PILRA: variants seen among roughly 807,000 people sequenced by gnomAD.
PILRA encodes the protein paired immunoglobulin-like type 2 receptor alpha.
PILRA carries 37 observed loss-of-function variants against 33.1 expected under a neutral mutation model. That is an observed-to-expected ratio of 1.12 (90% confidence interval 0.86 to 1.47). The LOEUF is 1.47. Ranked by LOEUF, PILRA falls within the 40% of genes most tolerant of loss-of-function variation. The pLI is 0.00. For synonymous variants in PILRA, 146 were observed against 149.9 expected, an observed-to-expected ratio of 0.97 and a Z score of 0.19; for missense variants, 312 against 376.2, an observed-to-expected ratio of 0.83 and a Z score of 1.41.
chr7:100,376,629 C>T (rs1258029119), intron 2 of PILRA, among the ~76,000 whole-genome samples: 3 of 151,460 alleles, frequency 2.0e-5, no homozygotes, highest in African/African-American at 7.3e-5. Context: ...TACAGGCACC[C>T]ACCATCATGC....
chr7:100,382,651 G>A lies in PILRA; in HGVS notation c.455-7237G>A, dbSNP rs778393492. 6.6e-4 allele frequency among the ~76,000 whole-genome samples: 100 copies of A among 152,206 alleles called. 1 individual carries two copies. The highest frequency in any genetic ancestry group is 8.8e-5 in the Non-Finnish European group (6 of 68,040). ...GTGCCAGGTAAGGGAATAAAAGCAG[G>A]CTGCCCCCCTGAGCAGTATCAACTG... On this transcript the variant is annotated intron_variant, in intron 2 of 6. Transcript: ENST00000198536.
intron 3 of PILRA, among the ~76,000 whole-genome samples, chr7:100,396,560 G>A (rs556872705): frequency 6.6e-6 from 1 of 152,240 alleles, no homozygotes; most frequent in African/African-American, 2.4e-5. Context: ...CTTGAGGCAG[G>A]AGAATCGCTT....
At chr7:100,376,761 CTTTTTTT>C (rs34944697) in intron 2 of PILRA, among the ~76,000 whole-genome samples, 59 of 75,036 alleles carry the variant, frequency 7.9e-4, no homozygotes, top group African/African-American at 2.5e-3. Context: ...CTTGCTCTGC[CTTTTTTT>C]TTTTTTTTTT....
intron 3 of PILRA, among the ~76,000 whole-genome samples, chr7:100,393,312 T>TA (rs1791426038): frequency 6.6e-6 from 1 of 151,866 alleles, no homozygotes; most frequent in Admixed American, 6.6e-5. Context: ...ATCAACCACT[T>TA]ATGATTTTTT....
At chr7:100,386,981 A>G (rs1222891595) in intron 2 of PILRA, among the ~76,000 whole-genome samples, 1 of 152,212 alleles carries the variant, frequency 6.6e-6, no homozygotes, top group Admixed American at 6.5e-5. Flanking sequence ...AAATTTTTAC[A>G]AGAATTTCTT....
chr7:100,386,756 T>C (rs972376050), intron 2 of PILRA, among the ~76,000 whole-genome samples: 41 of 151,374 alleles, frequency 2.7e-4, no homozygotes, highest in African/African-American at 9.2e-4. Flanking sequence ...TCAAAACTCC[T>C]GGGCTCAAGT....
intron 2 of PILRA, among the ~76,000 whole-genome samples, chr7:100,383,064 CAG>C (rs1791154343): frequency 6.6e-6 from 1 of 152,078 alleles, no homozygotes; most frequent in Non-Finnish European, 1.5e-5. Context: ...GTGAGTGGGA[CAG>C]AGATTGCTAA....
chr7:100,376,843 T>C (rs1034086635), intron 2 of PILRA, among the ~76,000 whole-genome samples: 3 of 147,352 alleles, frequency 2.0e-5, no homozygotes, highest in African/African-American at 7.5e-5. Context: ...CTTACTGCAG[T>C]GTCGACCTCC....
intron 3 of PILRA, among the ~76,000 whole-genome samples, chr7:100,395,790 G>A (rs998433798): frequency 2.0e-5 from 3 of 152,060 alleles, no homozygotes; most frequent in Non-Finnish European, 4.4e-5. Flanking sequence ...CTATAAAATA[G>A]TGCAAATGAT....
chr7:100,374,996 C>G (rs1049571669), intron 2 of PILRA, among the ~76,000 whole-genome samples: 1 of 152,174 alleles, frequency 6.6e-6, no homozygotes, highest in African/African-American at 2.4e-5. Flanking sequence ...TCCTTCTCCC[C>G]CTCTGCTTCC....
chr7:100,379,541 G>T (rs1584214475), intron 2 of PILRA, among the ~76,000 whole-genome samples: 2 of 151,330 alleles, frequency 1.3e-5, no homozygotes, highest in African/African-American at 4.9e-5. Flanking sequence ...GGTAGCACGC[G>T]CCTGTAGTCC....
chr7:100,376,638 G>C (rs1316633986), intron 2 of PILRA, among the ~76,000 whole-genome samples: 1 of 150,600 alleles, frequency 6.6e-6, no homozygotes. Flanking sequence ...CCACCATCAT[G>C]CCAGGCTAAC....
intron 2 of PILRA, among the ~76,000 whole-genome samples, chr7:100,383,166 G>A (rs1007155782): frequency 1.3e-5 from 2 of 152,146 alleles, no homozygotes; most frequent in East Asian, 1.9e-4. Context: ...CTTAGAGTGA[G>A]GCACACTTGG....
rs1791530541 is a variant in PILRA, at chr7:100,397,804, G to A, written c.674-75G>A. ...CCCTCTAAGGAGGGCCTCAGCCTAG[G>A]GCGCAGCAGAGAAGGTGGGATGGAG... On this transcript the variant is annotated intron_variant, in intron 3 of 6. Transcript: ENST00000198536. 3 of 1,481,014 alleles carry A rather than the reference G, an allele frequency of 2.0e-6. No individual in the cohort carries two copies. The Admixed American group carries it at 5.0e-5, about 25-fold the overall frequency. 91.7% of individuals were successfully genotyped at this position (1,481,014 alleles called of 1,614,324 possible).
chr7:100,373,761 C>A (rs1790874208), intron 1 of PILRA, 41 bp downstream of exon 1: 2 of 1,609,134 alleles, frequency 1.2e-6, no homozygotes, highest in South Asian at 1.1e-5. Context: ...TCTGCCCAAA[C>A]CACAGGAGGG....
At chr7:100,377,309 C>T (rs1790976440) in intron 2 of PILRA, among the ~76,000 whole-genome samples, 1 of 128,696 alleles carries the variant, frequency 7.8e-6, no homozygotes. Flanking sequence ...GGCATGATCT[C>T]GGCTCGCTGC....
chr7:100,393,748 T>C (rs921752015), intron 3 of PILRA, among the ~76,000 whole-genome samples: 6 of 152,022 alleles, frequency 3.9e-5, no homozygotes, highest in African/African-American at 9.7e-5. Context: ...GGTTGCCTCA[T>C]AGCCCAAGAC....
chr7:100,397,878 G>T lies in PILRA; in HGVS notation c.674-1G>T. The T allele has an allele frequency of 6.2e-7, 1 of 1,613,892 alleles. No individual in the cohort carries two copies. Among genetic ancestry groups the T allele is most frequent in the Non-Finnish European group, 8.5e-7 (1 of 1,179,936 alleles). ...CTGACTCACTGTTGGTCCCCCTACAGGTCAGCAGCGGACTAAAGCCACAAC... is the reference window on the plus strand; with the variant it reads ...CTGACTCACTGTTGGTCCCCCTACATGTCAGCAGCGGACTAAAGCCACAAC... On this transcript the variant is annotated splice_acceptor_variant, in intron 3 of 6. Transcript: ENST00000198536. LOFTEE classifies it high-confidence loss of function.
intron 4 of PILRA, 108 bp from the exon 5 acceptor site, chr7:100,399,183 C>T (rs572089767): frequency 1.4e-6 from 1 of 700,242 alleles, no homozygotes; most frequent in South Asian, 1.7e-5. Flanking sequence ...AAGCAATGGC[C>T]ACCTGCCTCA....
Sources: gnomAD v4.1 joint callset for allele counts (sites outside exome capture counted in the v4.1 genomes callset) on GRCh38, gnomAD v4.1.1 for gene constraint, MANE v1.5 for transcripts, NCBI Gene and HGNC (gene_info 2026-07-23, HGNC 2026-07-21) for gene names.